PON1: variants seen among roughly 807,000 people sequenced by gnomAD.
PON1 encodes the protein serum paraoxonase/arylesterase 1.
A neutral mutation model predicts 39.2 loss-of-function variants in PON1; 37 were observed. That is an observed-to-expected ratio of 0.94 (90% CI 0.73 to 1.24). The LOEUF (loss-of-function observed/expected upper bound fraction) is 1.24. PON1 is among the 50% of genes most tolerant of loss of function. The probability of loss-of-function intolerance (pLI) is 0.00; values close to 1 mark genes in which losing one functional copy is unlikely to be tolerated. For synonymous variants in PON1, 148 were observed against 152.2 expected, an observed-to-expected ratio of 0.97 and a Z score of 0.21; for missense variants, 397 against 413.5, an observed-to-expected ratio of 0.96 and a Z score of 0.35.
At chr7:95,323,369 A>T (rs1807942159) in intron 1 of PON1, among the ~76,000 whole-genome samples, 1 of 152,194 alleles carries the variant, frequency 6.6e-6, no homozygotes, top group African/African-American at 2.4e-5. Flanking sequence ...ATGATTTAAA[A>T]GCCAAGAATA....
chr7:95,317,519 A>C (rs537694811), intron 2 of PON1, among the ~76,000 whole-genome samples: 2 of 149,026 alleles, frequency 1.3e-5, no homozygotes, highest in Non-Finnish European at 3.0e-5. Flanking sequence ...GTACTAAGTC[A>C]TCTGATCTAG....
chr7:95,298,724 A>G lies in PON1; in HGVS notation c.*220T>C. 1 of 603,206 alleles carries G rather than the reference A, an allele frequency of 1.7e-6. No individual in the cohort carries two copies. Among genetic ancestry groups the G allele is most frequent in the Non-Finnish European group, 2.9e-6 (1 of 339,816 alleles). The allele number at this position is 603,206 out of a possible 1,614,324, so 37.4% of individuals were successfully genotyped here. On this transcript the variant is annotated 3_prime_UTR_variant, in exon 9 of 9. Transcript: ENST00000222381. Reference sequence around the variant, plus strand: ...TTTAGTGAGAAGGATTTTTATGGTAAATGAGGTTTTCAAGTATTCCAAGAC... The same window carrying G: ...TTTAGTGAGAAGGATTTTTATGGTAGATGAGGTTTTCAAGTATTCCAAGAC...
Position 95,321,731 on chromosome 7 carries a change from A to C in PON1, c.74+2671T>G, listed in dbSNP as rs146326133. Among the ~76,000 whole-genome samples, 265 of 152,142 alleles carry C rather than the reference A, an allele frequency of 1.7e-3. 1 individual carries two copies. The highest frequency in any genetic ancestry group is 6.3e-3 in the African/African-American group (261 of 41,510). On this transcript the variant is annotated intron_variant, in intron 1 of 8. Transcript: ENST00000222381. ...TTCATACCTCTTTTTATTTGCTCAC[A>C]CTTTTCCCTTCACCTAGAATGCTCT...
At position 95,302,400 on chromosome 7, in the gene PON1, A is replaced by G. The variant is rs3917564; in HGVS notation, c.781-67T>C. 0.014 allele frequency: 20,278 copies of G among 1,457,726 alleles called. 879 individuals carry two copies. In the African/African-American group the frequency reaches 0.15, roughly 11 times the overall value. The allele number at this position is 1,457,726 out of a possible 1,614,324, so 90.3% of individuals were successfully genotyped here. A position where few individuals can be genotyped will look rare whatever the true frequency, so the allele number is the denominator to read the frequency against. On this transcript the variant is annotated intron_variant, in intron 7 of 8. Coordinates refer to ENST00000222381, the MANE Select transcript of PON1 (RefSeq NM_000446.7). ...AAACACAATTGTGATGGAGCAAAATATATCAGAGAAAAGTTGCCTCTTGTC... is the reference window on the plus strand; with the variant it reads ...AAACACAATTGTGATGGAGCAAAATGTATCAGAGAAAAGTTGCCTCTTGTC...
chr7:95,304,327 CTTTTTTTTT>C lies in PON1; in HGVS notation c.780+1949_780+1957del, dbSNP rs34709624. ...TGTAGCAGGTATCAGAACTTCATTC[CTTTTTTTTT>C]TTTTTTTTTTTTTTAGATGGCGTTT... On this transcript the variant is annotated intron_variant, in intron 7 of 8. Transcript: ENST00000222381. Among the ~76,000 whole-genome samples, 4 of 109,522 alleles carry C rather than the reference CTTTTTTTTT, an allele frequency of 3.7e-5. No individual in the cohort carries two copies. The South Asian group carries it at 1.2e-3, about 34-fold the overall frequency. 71.9% of individuals were successfully genotyped at this position (109,522 alleles called of 152,430 possible).
At chr7:95,300,003 A>G (rs570566412) in intron 8 of PON1, among the ~76,000 whole-genome samples, 2 of 151,774 alleles carry the variant, frequency 1.3e-5, no homozygotes, top group Admixed American at 6.5e-5. Context: ...TGTGGCCCTC[A>G]AAAAACCATA....
Position 95,315,326 on chromosome 7 carries a change from A to C in PON1, c.366T>G (p.Asp122Glu). ...FNPHGISTFTDEDNAMYLLVV... is the reference protein window; with the variant it reads ...FNPHGISTFTEEDNAMYLLVV... ...ATAAATAGTAAATATTGTTACCTTC[A>C]TCTGTGAATGTGCTAATCCCATGAG... Residue 122 changes from aspartate to glutamate, a missense_variant, in exon 4 of 9, where the codon GAT (aspartate) becomes GAG (glutamate). By Grantham distance (45) the Asp-to-Glu change is conservative (BLOSUM62 2). Transcript: ENST00000222381. The C allele has an allele frequency of 6.2e-7, 1 of 1,612,470 alleles. No homozygotes were observed. Among genetic ancestry groups the C allele is most frequent in the Middle Eastern group, 1.7e-4 (1 of 6,002 alleles).
chr7:95,298,640 C>A lies in PON1; in HGVS notation c.*304G>T. On this transcript the variant is annotated 3_prime_UTR_variant, in exon 9 of 9. Transcript: ENST00000222381. The stretch of plus-strand genomic sequence containing the variant: ...GGCAACACATGTTTTAGGGTAAGTA[C>A]TTTTGGGGTCACACACTGTTATTTA... The A allele has an allele frequency of 2.3e-6, 1 of 432,162 alleles. No homozygotes were observed. The highest frequency in any genetic ancestry group is 4.3e-6 in the Non-Finnish European group (1 of 231,530). The allele number at this position is 432,162 out of a possible 1,614,324, so 26.8% of individuals were successfully genotyped here.
chr7:95,304,006 A>G (rs1011751887), intron 7 of PON1, among the ~76,000 whole-genome samples: 6 of 152,152 alleles, frequency 3.9e-5, no homozygotes, highest in Non-Finnish European at 5.9e-5. Flanking sequence ...TGACATTTTA[A>G]CCATTTTTAA....
intron 2 of PON1, among the ~76,000 whole-genome samples, chr7:95,318,025 C>T (rs1807808502): frequency 1.3e-5 from 2 of 151,946 alleles, no homozygotes; most frequent in Non-Finnish European, 2.9e-5. Context: ...CTTCTGCCAT[C>T]TCCTCAGGTT....
chr7:95,298,974 C>T lies in PON1; in HGVS notation c.1038G>A (p.Val346=), dbSNP rs771331009. Residue 346 remains valine, a synonymous_variant, in exon 9 of 9, where the codon GTG becomes GTA. Transcript: ENST00000222381. ...GCTCACAGTAAAGAGCTTTGTGAAA[C>T]ACTGTGCCAATCAGCAGTTTCCCTT... ...VYKGKLLIGT[V]FHKALYCEL 6 of 1,614,014 alleles carry T rather than the reference C, an allele frequency of 3.7e-6. No individual in the cohort carries two copies. In the East Asian group the frequency reaches 8.9e-5, roughly 24 times the overall value.
chr7:95,319,131 C>CTTT lies in PON1; in HGVS notation c.75-741_75-739dup, dbSNP rs369225812. On this transcript the variant is annotated intron_variant, in intron 1 of 8. Coordinates refer to ENST00000222381, the MANE Select transcript of PON1 (RefSeq NM_000446.7). ...ACAACCAAGAGATTTAAACAATAAA[C>CTTT]TTTTTTTTTTTTTTTTAGAGAACTA... Among the ~76,000 whole-genome samples the CTTT allele has an allele frequency of 9.7e-3, 1,347 of 138,324 alleles. 47 individuals are homozygous for CTTT. The highest frequency in any genetic ancestry group is 0.08 in the East Asian group (369 of 4,620). The allele number at this position is 138,324 out of a possible 152,430, so 90.7% of individuals were successfully genotyped here.
intron 5 of PON1, 90 bp from the exon 6 acceptor site, chr7:95,308,301 A>C: frequency 7.9e-7 from 1 of 1,262,146 alleles, no homozygotes; most frequent in Admixed American, 1.8e-5. Context: ...GTCTATTCCT[A>C]AAATCAAGAT....
rs1357079815 is a variant in PON1, at chr7:95,306,312, A to T, written c.753T>A (p.His251Gln). Residue 251 changes from histidine to glutamine, a missense_variant, in exon 7 of 9, where the codon CAT becomes CAA. Physicochemically the swap from His to Gln is conservative, Grantham distance 24. Transcript: ENST00000222381. ...LAHKIHVYEK[H>Q]ANWTLTPLKS... is the part of the protein sequence containing the mutation. ...TCAATGGAGTTAAAGTCCAATTAGC[A>T]TGCTTTTCATACACATGAATCTTAT... is the stretch of plus-strand genomic sequence containing the variant. 6.2e-7 allele frequency: 1 copy of T among 1,612,542 alleles called. No individual in the cohort carries two copies.
chr7:95,312,395 T>C (rs1243243434), intron 4 of PON1, among the ~76,000 whole-genome samples: 1 of 152,202 alleles, frequency 6.6e-6, no homozygotes, highest in Admixed American at 6.5e-5. Context: ...GGTTTCACCA[T>C]GTTAAGATGC....
At chr7:95,307,301 C>T (rs191140486) in intron 6 of PON1, among the ~76,000 whole-genome samples, 1 of 152,190 alleles carries the variant, frequency 6.6e-6, no homozygotes, top group Non-Finnish European at 1.5e-5. Context: ...GATCCACCCA[C>T]CTTGGCCTCC....
intron 3 of PON1, 33 bp downstream of exon 3, chr7:95,316,701 C>G: frequency 6.3e-7 from 1 of 1,593,176 alleles, no homozygotes; most frequent in South Asian, 1.1e-5. Flanking sequence ...AGAAAACGTT[C>G]TAGAACACAG....
At chr7:95,324,336 G>C in intron 1 of PON1, 66 bp downstream of exon 1, 1 of 1,495,068 alleles carries the variant, frequency 6.7e-7, no homozygotes, top group Admixed American at 1.7e-5. Context: ...AACTTTCTGG[G>C]GGCTCGTGGA....
chr7:95,311,805 G>GA (rs536479865), intron 4 of PON1, among the ~76,000 whole-genome samples: 3 of 151,438 alleles, frequency 2.0e-5, no homozygotes, highest in South Asian at 4.2e-4. Flanking sequence ...CTCCACAGGA[G>GA]AAAAAAAAAT....
Sources: allele counts gnomAD v4.1 joint callset (sites outside exome capture counted in the v4.1 genomes callset), GRCh38; gene constraint gnomAD v4.1.1; transcripts MANE v1.5; gene names NCBI Gene and HGNC (gene_info 2026-07-23, HGNC 2026-07-21).